Variants in ITPK1 observed in about 807,000 individuals in gnomAD.
ITPK1 encodes the protein inositol-tetrakisphosphate 1-kinase.
A neutral mutation model predicts 45.3 loss-of-function variants in ITPK1; 21 were observed. The observed-to-expected ratio is 0.46, with a 90% CI of 0.33 to 0.67. ITPK1 has a LOEUF of 0.67. ITPK1 is among the 30% of genes least tolerant of loss of function. ITPK1 has a pLI of 0.02. For synonymous variants in ITPK1, 258 were observed against 253.6 expected (o/e 1.02, Z -0.16); for missense variants, 474 against 573.5 (o/e 0.83, Z 1.77).
Position 93,012,977 on chromosome 14 carries a change from T to C in ITPK1, c.246+3699A>G, listed in dbSNP as rs1887989662. On this transcript the variant is annotated intron_variant, in intron 4 of 10. Coordinates refer to ENST00000267615, the MANE Select transcript of ITPK1 (RefSeq NM_014216.6). This position sits in a 1 kb window ranked among gnomAD's most constrained non-coding sequence, Gnocchi z 4.9. Reference sequence around the variant, plus strand: ...CCACCCTGCACCCACACCTGTCAGGTGGCTCTGGGCGCCACAGCGAGGAGA... The same window carrying C: ...CCACCCTGCACCCACACCTGTCAGGCGGCTCTGGGCGCCACAGCGAGGAGA... Among the ~76,000 whole-genome samples, 1 of 151,316 alleles carries C rather than the reference T, an allele frequency of 6.6e-6. No individual in the cohort carries two copies. The highest frequency in any genetic ancestry group is 2.0e-4 in the East Asian group (1 of 5,116).
At chr14:92,954,936 G>C (rs895540230) in intron 8 of ITPK1, among the ~76,000 whole-genome samples, 3 of 152,168 alleles carry the variant, frequency 2.0e-5, no homozygotes, top group Non-Finnish European at 4.4e-5. Flanking sequence ...CCTTATCTCA[G>C]GCCACAGTTG....
intron 2 of ITPK1, among the ~76,000 whole-genome samples, chr14:93,114,628 G>A (rs546155358): frequency 6.6e-6 from 1 of 152,330 alleles, no homozygotes; most frequent in East Asian, 1.9e-4. Context: ...CACACGCGGG[G>A]CACATAGTAG....
Position 92,968,417 on chromosome 14 carries a change from C to T in ITPK1, c.365-5568G>A, listed in dbSNP as rs76257686. Among the ~76,000 whole-genome samples the T allele has an allele frequency of 8.9e-3, 1,357 of 152,232 alleles. 17 individuals carry two copies. The highest frequency in any genetic ancestry group is 0.031 in the African/African-American group (1,274 of 41,536). On this transcript the variant is annotated intron_variant, in intron 5 of 10. Coordinates refer to ENST00000267615, the MANE Select transcript of ITPK1 (RefSeq NM_014216.6). ...AAAACCTAGTAGCAGTAGCTGTCAT[C>T]CAGAGTGCTTGCCCTCTGCAGGACA... is the stretch of plus-strand genomic sequence containing the variant.
chr14:92,963,357 C>T (rs1011233091), intron 5 of ITPK1, among the ~76,000 whole-genome samples: 11 of 152,232 alleles, frequency 7.2e-5, no homozygotes, highest in Non-Finnish European at 1.6e-4. Context: ...TTGCCGGCAT[C>T]ACCTCCACAG....
intron 5 of ITPK1, among the ~76,000 whole-genome samples, chr14:92,979,921 C>T (rs987242379): frequency 2.6e-5 from 4 of 151,728 alleles, no homozygotes; most frequent in African/African-American, 7.3e-5. Context: ...GCTGTGATTA[C>T]AGGCGCACAT....
chr14:92,973,010 T>C (rs1226259936), intron 5 of ITPK1, among the ~76,000 whole-genome samples: 2 of 152,320 alleles, frequency 1.3e-5, no homozygotes, highest in Admixed American at 6.5e-5. Flanking sequence ...CAACACCTGC[T>C]CTTCCAAGCA....
Position 93,076,761 on chromosome 14 carries a change from C to T in ITPK1, c.96-142G>A, listed in dbSNP as rs1464470042. On this transcript the variant is annotated intron_variant, in intron 2 of 10. Transcript: ENST00000267615. This position sits in a 1 kb window ranked among gnomAD's most constrained non-coding sequence, Gnocchi z 4.3. The stretch of plus-strand genomic sequence containing the variant: ...GCAGCTGCGCCTCTCCTGCTACTGT[C>T]CCAGAACAGCCATGCCTTCCACTCC... 1.1e-6 allele frequency: 1 copy of T among 897,072 alleles called. No homozygotes were observed. The highest frequency in any genetic ancestry group is 1.5e-5 in the South Asian group (1 of 68,804). 55.6% of individuals were successfully genotyped at this position (897,072 alleles called of 1,614,324 possible).
intron 2 of ITPK1, among the ~76,000 whole-genome samples, chr14:93,095,362 A>G (rs1595211583): frequency 6.6e-6 from 1 of 152,332 alleles, no homozygotes. Context: ...TTTTTATCCT[A>G]CAGACAAAGA....
intron 2 of ITPK1, among the ~76,000 whole-genome samples, chr14:93,085,403 T>C (rs1218885538): frequency 2.6e-5 from 4 of 152,036 alleles, no homozygotes; most frequent in Admixed American, 2.6e-4. Context: ...GGCCCCAAAG[T>C]CCGGGCGCCC....
At chr14:92,990,742 C>T (rs572871284) in intron 5 of ITPK1, among the ~76,000 whole-genome samples, 29 of 152,280 alleles carry the variant, frequency 1.9e-4, no homozygotes, top group African/African-American at 5.8e-4. Context: ...AGGCCCTCCA[C>T]GGCTGATGCT....
chr14:92,962,792 G>C lies in ITPK1; in HGVS notation c.422C>G (p.Thr141Ser), dbSNP rs1566700177. 1.2e-6 allele frequency: 2 copies of C among 1,614,036 alleles called. No individual in the cohort carries two copies. Among genetic ancestry groups the C allele is most frequent in the Non-Finnish European group, 1.7e-6 (2 of 1,179,930 alleles). ...MELTSLCGDD[T>S]MRLLEKNGLT... ...GCCGTTCTTCTCCAGCAGCCGCATGGTGTCATCCCCGCACAGGCTCGTGAG... is the reference window on the plus strand; with the variant it reads ...GCCGTTCTTCTCCAGCAGCCGCATGCTGTCATCCCCGCACAGGCTCGTGAG... Residue 141 changes from threonine to serine, a missense_variant, in exon 6 of 11, where the codon ACC becomes AGC. This residue lies in a region of ITPK1 where 367 missense variants were observed against 480.6 expected (regional missense o/e 0.76). Coordinates refer to ENST00000267615, the MANE Select transcript of ITPK1 (RefSeq NM_014216.6).
intron 3 of ITPK1, among the ~76,000 whole-genome samples, chr14:93,020,074 T>G (rs1373245746): frequency 6.6e-6 from 1 of 152,164 alleles, no homozygotes; most frequent in Non-Finnish European, 1.5e-5. Flanking sequence ...GCAGGGCCCA[T>G]GCTGGATCCT....
At chr14:93,023,293 G>A (rs1336112582) in intron 3 of ITPK1, among the ~76,000 whole-genome samples, 2 of 152,224 alleles carry the variant, frequency 1.3e-5, no homozygotes, top group African/African-American at 4.8e-5. Flanking sequence ...AGAACATGCC[G>A]TTTCCTGGGC....
At chr14:92,969,914 A>G (rs1885564690) in intron 5 of ITPK1, among the ~76,000 whole-genome samples, 1 of 152,086 alleles carries the variant, frequency 6.6e-6, no homozygotes, top group Non-Finnish European at 1.5e-5. Context: ...CAAATCAGAC[A>G]CCATGAAGCG....
At position 92,938,789 on chromosome 14, in the gene ITPK1, A is replaced by T. The variant is rs1887224065; in HGVS notation, c.*2772T>A. ...GGGGTGGGGACACCCAGCAGCTGGC[A>T]CTCAGTTGGGGGGTTATGTTTGCAG... On this transcript the variant is annotated 3_prime_UTR_variant, in exon 11 of 11. Transcript: ENST00000267615. 6.8e-6 allele frequency: 4 copies of T among 587,536 alleles called. No individual in the cohort carries two copies. The highest frequency in any genetic ancestry group is 1.2e-5 in the Non-Finnish European group (4 of 330,594). 36.4% of individuals were successfully genotyped at this position (587,536 alleles called of 1,614,324 possible).
At chr14:92,993,378 G>A (rs887664372) in intron 5 of ITPK1, among the ~76,000 whole-genome samples, 2 of 152,198 alleles carry the variant, frequency 1.3e-5, no homozygotes, top group Middle Eastern at 3.2e-3. Flanking sequence ...AGCCCTCAGG[G>A]ACAGGAGCCT....
chr14:93,007,744 C>T (rs1255924584), intron 4 of ITPK1, among the ~76,000 whole-genome samples: 1 of 152,232 alleles, frequency 6.6e-6, no homozygotes, highest in Non-Finnish European at 1.5e-5. Context: ...GGCCTCTGTT[C>T]CACATGTCAG....
chr14:93,096,257 C>T (rs768430462), intron 2 of ITPK1, among the ~76,000 whole-genome samples: 1 of 152,266 alleles, frequency 6.6e-6, no homozygotes, highest in Non-Finnish European at 1.5e-5. Flanking sequence ...CTGTCAGCAG[C>T]AGCCACAGCT....
At chr14:92,989,956 C>T (rs1886697814) in intron 5 of ITPK1, among the ~76,000 whole-genome samples, 1 of 152,150 alleles carries the variant, frequency 6.6e-6, no homozygotes, top group African/African-American at 2.4e-5. Flanking sequence ...CAGGCCGAGG[C>T]CAAACCCCCA....
Sources: allele counts gnomAD v4.1 joint callset (sites outside exome capture counted in the v4.1 genomes callset), GRCh38; gene constraint gnomAD v4.1.1; regional missense constraint gnomAD v4.1.1; non-coding constraint Gnocchi (gnomAD v3.1); transcripts MANE v1.5; gene names NCBI Gene and HGNC (gene_info 2026-07-23, HGNC 2026-07-21).